POLR3K: variants seen among roughly 807,000 people sequenced by gnomAD.
POLR3K encodes the protein RNA polymerase III subunit K.
POLR3K carries 11 observed loss-of-function variants against 13.5 expected under a neutral mutation model. That is an observed-to-expected ratio of 0.81 (90% CI 0.51 to 1.35). POLR3K has a LOEUF of 1.35. Among genes scored for constraint, POLR3K ranks in the 40% most tolerant of loss-of-function variants. The probability of loss-of-function intolerance (pLI) is 0.00; values close to 1 mark genes in which losing one functional copy is unlikely to be tolerated. For synonymous variants in POLR3K, 56 were observed against 51.5 expected, an observed-to-expected ratio of 1.09 and a Z score of -0.38; for missense variants, 144 against 145.3, an observed-to-expected ratio of 0.99 and a Z score of 0.05.
In POLR3K at chr16:47,312, G is replaced by C; in HGVS notation, c.*118C>G. 1 of 1,361,080 alleles carries C rather than the reference G, an allele frequency of 7.3e-7. No homozygotes were observed. Among genetic ancestry groups the C allele is most frequent in the Non-Finnish European group, 9.9e-7 (1 of 1,013,344 alleles). 84.3% of individuals were successfully genotyped at this position (1,361,080 alleles called of 1,614,324 possible). The stretch of plus-strand genomic sequence containing the variant: ...ACCCCCTGGCTCTTCACCTCAAAAG[G>C]TTTATCTTTCCACCACACTAGCAAA... On this transcript the variant is annotated 3_prime_UTR_variant, in exon 3 of 3. Coordinates refer to ENST00000293860, the MANE Select transcript of POLR3K (RefSeq NM_016310.5).
chr16:51,687 G>A lies in POLR3K; in HGVS notation c.112-42C>T, dbSNP rs760242531. ...TTCAGACTCCAAGTAACTGAATAGC[G>A]CAAACCTGGGCTGCCAAACCTTAAA... is the stretch of plus-strand genomic sequence containing the variant. On this transcript the variant is annotated intron_variant, in intron 1 of 2. Transcript: ENST00000293860. 2.6e-5 allele frequency: 39 copies of A among 1,509,156 alleles called. No individual in the cohort carries two copies. The South Asian group carries it at 3.3e-4, about 13-fold the overall frequency. The allele number at this position is 1,509,156 out of a possible 1,614,324, so 93.5% of individuals were successfully genotyped here. A position where few individuals can be genotyped will look rare whatever the true frequency, so the allele number is the denominator to read the frequency against.
chr16:52,765 C>CAA lies in POLR3K; in HGVS notation c.111+709_111+710dup, dbSNP rs946489081. Among the ~76,000 whole-genome samples the CAA allele has an allele frequency of 1.4e-3, 47 of 33,574 alleles. 3 individuals are homozygous for CAA. The highest frequency in any genetic ancestry group is 2.9e-3 in the African/African-American group (30 of 10,318). The allele number at this position is 33,574 out of a possible 152,430, so 22.0% of individuals were successfully genotyped here. On this transcript the variant is annotated intron_variant, in intron 1 of 2. Transcript: ENST00000293860. ...TGGGCGACAGAGCGGGACTCCGTCT[C>CAA]AAAAAAAAAAAAAAAAAAAAAAAAA...
In POLR3K at chr16:51,739, G is replaced by A. The variant is rs1399173868; in HGVS notation, c.112-94C>T. The A allele has an allele frequency of 4.9e-5, 50 of 1,022,522 alleles. No individual in the cohort carries two copies. The South Asian group carries it at 6.0e-4, about 12-fold the overall frequency. 63.3% of individuals were successfully genotyped at this position (1,022,522 alleles called of 1,614,324 possible). A position where few individuals can be genotyped will look rare whatever the true frequency, so the allele number is the denominator to read the frequency against. ...TTCAGGATTACATAAGAGTTCACTC[G>A]GCTGGGCGTGGTGGCTGACACCTGT... On this transcript the variant is annotated intron_variant, in intron 1 of 2. Transcript: ENST00000293860.
chr16:48,229 C>T (rs1161370783), intron 2 of POLR3K, among the ~76,000 whole-genome samples: 1 of 152,002 alleles, frequency 6.6e-6, no homozygotes, highest in Non-Finnish European at 1.5e-5. Context: ...CCTCCCTGCT[C>T]ATTTGATCCC....
rs545215229 is a variant in POLR3K at position 47,652 on chromosome 16, C to T, written c.200-95G>A. 68 of 1,325,038 alleles carry T rather than the reference C, an allele frequency of 5.1e-5. No individual in the cohort carries two copies. In the African/African-American group the frequency reaches 6.1e-4, roughly 12 times the overall value. 82.1% of individuals were successfully genotyped at this position (1,325,038 alleles called of 1,614,324 possible). A position where few individuals can be genotyped will look rare whatever the true frequency, so the allele number is the denominator to read the frequency against. On this transcript the variant is annotated intron_variant, in intron 2 of 2. Transcript: ENST00000293860. ...TTACTTAATATGTGGGAGGCCAAGGCGGGCGGATCACCTGAGGTCAGGAGT... is the reference window on the plus strand; with the variant it reads ...TTACTTAATATGTGGGAGGCCAAGGTGGGCGGATCACCTGAGGTCAGGAGT...
chr16:53,433 C>T (rs762674928), intron 1 of POLR3K, 43 bp downstream of exon 1: 6 of 1,527,788 alleles, frequency 3.9e-6, no homozygotes, highest in Non-Finnish European at 5.2e-6. Flanking sequence ...CGCGGAAGGC[C>T]TGCGAGAGTC....
intron 2 of POLR3K, among the ~76,000 whole-genome samples, chr16:50,351 C>T (rs557504854): frequency 6.6e-6 from 1 of 152,164 alleles, no homozygotes; most frequent in Non-Finnish European, 1.5e-5. Context: ...CTTCCCCTTT[C>T]CTCTCCTGGC....
chr16:52,792 A>AAAAAAAAAC, intron 1 of POLR3K, among the ~76,000 whole-genome samples: 3 of 26,074 alleles, frequency 1.2e-4, no homozygotes, highest in African/African-American at 3.8e-4. Context: ...AAAAAAAAAA[A>AAAAAAAAAC]AAACAATAAA....
At chr16:47,849 CAA>C (rs750499325) in intron 2 of POLR3K, among the ~76,000 whole-genome samples, 78 of 35,150 alleles carry the variant, frequency 2.2e-3, no homozygotes, top group South Asian at 0.019. Flanking sequence ...CCACTGCACT[CAA>C]AAAAAAAAAA....
At chr16:49,880 C>T (rs993253599) in intron 2 of POLR3K, among the ~76,000 whole-genome samples, 15 of 151,898 alleles carry the variant, frequency 9.9e-5, no homozygotes, top group African/African-American at 2.4e-4. Flanking sequence ...CCTCGTGATC[C>T]GCCCACATTG....
intron 1 of POLR3K, among the ~76,000 whole-genome samples, chr16:52,795 A>AAAAC (rs1301989386): frequency 1.2e-3 from 33 of 26,836 alleles, no homozygotes; most frequent in African/African-American, 3.6e-3. Context: ...AAAAAAAAAA[A>AAAAC]CAATAAAAAA....
intron 2 of POLR3K, among the ~76,000 whole-genome samples, chr16:49,691 G>C (rs926287780): frequency 1.3e-5 from 2 of 149,682 alleles, no homozygotes; most frequent in African/African-American, 2.5e-5. Flanking sequence ...CTGGGCTAGA[G>C]TGCAATAGCA....
chr16:47,398 G>C lies in POLR3K; in HGVS notation c.*32C>G, dbSNP rs1897293056. 1 of 1,605,770 alleles carries C rather than the reference G, an allele frequency of 6.2e-7. No homozygotes were observed. Among genetic ancestry groups the C allele is most frequent in the Non-Finnish European group, 8.5e-7 (1 of 1,174,906 alleles). On this transcript the variant is annotated 3_prime_UTR_variant, in exon 3 of 3. Transcript: ENST00000293860. ...GCATCTACCCCGAGGGACAAGGCAA[G>C]CACACACTAGGGCAGCTGGGCCATC...
At chr16:50,579 G>C (rs1469196792) in intron 2 of POLR3K, among the ~76,000 whole-genome samples, 2 of 152,098 alleles carry the variant, frequency 1.3e-5, no homozygotes, top group African/African-American at 2.4e-5. Flanking sequence ...CTAGAGTGCA[G>C]TAGTGTGATC....
intron 2 of POLR3K, among the ~76,000 whole-genome samples, chr16:47,892 C>CT (rs747985712): frequency 0.77 from 76,496 of 99,554 alleles, 30,897 homozygotes; most frequent in East Asian, 0.99. Context: ...ACTATAATAT[C>CT]TTTTTTTTTT....
chr16:52,738 C>G (rs1596458642), intron 1 of POLR3K, among the ~76,000 whole-genome samples: 1 of 133,882 alleles, frequency 7.5e-6, no homozygotes, highest in South Asian at 2.3e-4. Flanking sequence ...TGCACTCCAG[C>G]CTGGGCGACA....
intron 2 of POLR3K, 47 bp downstream of exon 2, chr16:51,511 C>T (rs1198275986): frequency 2.0e-6 from 3 of 1,493,362 alleles, no homozygotes; most frequent in Non-Finnish European, 2.8e-6. Context: ...CATCAACAGC[C>T]TCATAATTAT....
At chr16:48,256 T>C (rs565196045) in intron 2 of POLR3K, among the ~76,000 whole-genome samples, 2 of 152,142 alleles carry the variant, frequency 1.3e-5, no homozygotes, top group Admixed American at 1.3e-4. Context: ...CAAGGGTAGA[T>C]CTACAAACAG....
intron 2 of POLR3K, among the ~76,000 whole-genome samples, chr16:50,333 A>G (rs976651575): frequency 6.6e-6 from 1 of 152,056 alleles, no homozygotes; most frequent in Non-Finnish European, 1.5e-5. Context: ...TATAACTTAC[A>G]TTTACGTCTT....
Sources: gnomAD v4.1 joint callset for allele counts (sites outside exome capture counted in the v4.1 genomes callset) on GRCh38, gnomAD v4.1.1 for gene constraint, MANE v1.5 for transcripts, NCBI Gene and HGNC (gene_info 2026-07-23, HGNC 2026-07-21) for gene names.